Variants in MKRN1 observed in about 807,000 individuals in gnomAD.
MKRN1 encodes the protein E3 ubiquitin-protein ligase makorin-1.
A neutral mutation model predicts 55.5 loss-of-function variants in MKRN1; 9 were observed. That is an observed-to-expected ratio of 0.16 (90% CI 0.10 to 0.28). MKRN1 has a LOEUF of 0.28. MKRN1 is among the 10% of genes least tolerant of loss of function. The pLI, the probability that MKRN1 is intolerant of heterozygous loss-of-function variation, is 1.00. For synonymous variants in MKRN1, 253 were observed against 235.9 expected, an observed-to-expected ratio of 1.07 and a Z score of -0.66; for missense variants, 488 against 626.7, an observed-to-expected ratio of 0.78 and a Z score of 2.36.
chr7:140,463,663 A>G (rs963579383), intron 2 of MKRN1, among the ~76,000 whole-genome samples: 2 of 151,990 alleles, frequency 1.3e-5, no homozygotes, highest in African/African-American at 4.8e-5. Context: ...AGGTGGGCGG[A>G]TCACAAGGTC....
chr7:140,457,926 A>G (rs376262628), intron 4 of MKRN1, among the ~76,000 whole-genome samples: 2 of 152,332 alleles, frequency 1.3e-5, no homozygotes, highest in East Asian at 3.9e-4. Context: ...TGTCTACCTT[A>G]TAACATGCCT....
chr7:140,477,399 G>T (rs1434798456), intron 1 of MKRN1, among the ~76,000 whole-genome samples: 10 of 151,776 alleles, frequency 6.6e-5, no homozygotes, highest in Admixed American at 1.3e-4. Flanking sequence ...TTGGCTCACC[G>T]CAACCTCTGC....
intron 1 of MKRN1, among the ~76,000 whole-genome samples, chr7:140,472,753 G>A (rs907479393): frequency 7.0e-6 from 1 of 142,012 alleles, no homozygotes; most frequent in Non-Finnish European, 1.6e-5. Flanking sequence ...GCACGACTAT[G>A]ACTCTGTCTC....
chr7:140,463,088 C>T (rs188261401), intron 2 of MKRN1, among the ~76,000 whole-genome samples: 26 of 152,298 alleles, frequency 1.7e-4, no homozygotes, highest in Non-Finnish European at 3.4e-4. Flanking sequence ...GGTGAAACCA[C>T]CATCTCCAAA....
intron 2 of MKRN1, among the ~76,000 whole-genome samples, chr7:140,470,709 A>G (rs1263036654): frequency 6.6e-6 from 1 of 152,162 alleles, no homozygotes; most frequent in Non-Finnish European, 1.5e-5. Flanking sequence ...TGAGGTCAGG[A>G]GTTCGAGACT....
rs772862496 is a variant in MKRN1 at position 140,456,741 on chromosome 7, G to A, written c.897C>T (p.Phe299=). The A allele has an allele frequency of 2.2e-5, 36 of 1,613,938 alleles. No homozygotes were observed. The African/African-American group carries it at 2.4e-4, about 11-fold the overall frequency. ...TGTGGTTGCAGTTGGAGAGGATCCC[G>A]AAGCGGCGCTCACTGGGGTTGGCTT... ...YEKANPSERR[F]GILSNCNHTY... Residue 299 remains phenylalanine (F), a synonymous_variant, in exon 5 of 8, where the codon TTC becomes TTT. Transcript: ENST00000255977.
At chr7:140,464,309 TGGGA>T (rs1232601764) in intron 2 of MKRN1, among the ~76,000 whole-genome samples, 3 of 151,870 alleles carry the variant, frequency 2.0e-5, no homozygotes, top group Non-Finnish European at 4.4e-5. Context: ...GAGGCTGAGG[TGGGA>T]GGATTACTTG....
At chr7:140,465,959 T>G (rs1272337919) in intron 2 of MKRN1, among the ~76,000 whole-genome samples, 1 of 152,072 alleles carries the variant, frequency 6.6e-6, no homozygotes, top group Non-Finnish European at 1.5e-5. Context: ...TGCGCGCCTG[T>G]AGTCCCAGCT....
chr7:140,473,997 AAAAAAAAAAAAGAAAG>A (rs1299428999), intron 1 of MKRN1, among the ~76,000 whole-genome samples: 1 of 113,774 alleles, frequency 8.8e-6, no homozygotes, highest in Admixed American at 9.9e-5. Flanking sequence ...CGTCTCAAAA[AAAAAAAAAAAAGAAAG>A]AAAGAAAGAA....
At chr7:140,470,617 A>C (rs1322874547) in intron 2 of MKRN1, among the ~76,000 whole-genome samples, 1 of 150,928 alleles carries the variant, frequency 6.6e-6, no homozygotes, top group African/African-American at 2.4e-5. Context: ...CCAAACAAAC[A>C]AACAAAAAAC....
chr7:140,461,921 TG>T (rs1163776225), intron 2 of MKRN1, among the ~76,000 whole-genome samples: 1 of 152,164 alleles, frequency 6.6e-6, no homozygotes. Context: ...AGGCGGAGGT[TG>T]CAGTGAGCCT....
At chr7:140,457,078 T>C (rs955641359) in intron 4 of MKRN1, among the ~76,000 whole-genome samples, 10 of 152,102 alleles carry the variant, frequency 6.6e-5, no homozygotes, top group African/African-American at 2.4e-4. Context: ...TTAACAATAC[T>C]AGAAAATCAA....
At chr7:140,467,523 C>A (rs1281919647) in intron 2 of MKRN1, among the ~76,000 whole-genome samples, 1 of 151,992 alleles carries the variant, frequency 6.6e-6, no homozygotes, top group Non-Finnish European at 1.5e-5. Flanking sequence ...AGTGATCCGC[C>A]CACCTCAGCC....
rs576599539 is a variant in MKRN1, at chr7:140,474,742, G to A, written c.186-2731C>T. 3.2e-3 allele frequency among the ~76,000 whole-genome samples: 457 copies of A among 143,636 alleles called. 15 individuals carry two copies. In the East Asian group the frequency reaches 0.072, roughly 23 times the overall value. The allele number at this position is 143,636 out of a possible 152,430, so 94.2% of individuals were successfully genotyped here. ...CTTTCTTTTTTTTTTTTTTTGAGAC[G>A]AAATCTCACTCTGTCACCCAGGCTG... On this transcript the variant is annotated intron_variant, in intron 1 of 7. Transcript: ENST00000255977.
chr7:140,459,621 A>G (rs980054952), intron 3 of MKRN1, 86 bp downstream of exon 3: 5 of 1,294,446 alleles, frequency 3.9e-6, no homozygotes, highest in South Asian at 1.3e-5. Context: ...GAATAGAAGC[A>G]GAAAGGGGAA....
intron 2 of MKRN1, among the ~76,000 whole-genome samples, chr7:140,466,776 C>A (rs1211598247): frequency 6.9e-6 from 1 of 144,536 alleles, no homozygotes; most frequent in Non-Finnish European, 1.5e-5. Flanking sequence ...TGCAGTCCGC[C>A]GTCCGGCCTG....
At position 140,472,002 on chromosome 7, in the gene MKRN1, C is replaced by T; in HGVS notation, c.195G>A (p.Met65Ile). 6.2e-7 allele frequency: 1 copy of T among 1,614,032 alleles called. No individual in the cohort carries two copies. The highest frequency in any genetic ancestry group is 8.5e-7 in the Non-Finnish European group (1 of 1,180,018). Reference protein sequence around the residue: ...WTKQVTCRYFMHGVCKEGDNC... With the variant: ...WTKQVTCRYFIHGVCKEGDNC... ...TGTCTCCTTCCTTACAAACCCCATG[C>T]ATAAAATACCTGTGAGACGAAAGAC... Residue 65 changes from methionine to isoleucine, a missense_variant, in exon 2 of 8, where the codon ATG (methionine) becomes ATA (isoleucine). Coordinates refer to ENST00000255977, the MANE Select transcript of MKRN1 (RefSeq NM_013446.4).
At chr7:140,460,246 C>CAAAAAAAAAAAAAAAAAA (rs58698651) in intron 2 of MKRN1, 5 of 76,806 alleles carry the variant, frequency 6.5e-5, no homozygotes, top group African/African-American at 2.0e-4. Context: ...GACTCCGTCT[C>CAAAAAAAAAAAAAAAAAA]AAAAAAAAAA....
chr7:140,478,946 G>C, intron 1 of MKRN1: 3 of 479,534 alleles, frequency 6.3e-6, no homozygotes, highest in Admixed American at 9.5e-5. Context: ...TCCGCGGACA[G>C]CGCTGAGGGC....
Sources: allele counts gnomAD v4.1 joint callset (sites outside exome capture counted in the v4.1 genomes callset), GRCh38; gene constraint gnomAD v4.1.1; transcripts MANE v1.5; gene names NCBI Gene and HGNC (gene_info 2026-07-23, HGNC 2026-07-21).